The following TMEM135 variants were observed in gnomAD, a reference collection of about 807,000 sequenced individuals.
TMEM135 encodes transmembrane protein 135.
Under a neutral mutation model 60.3 loss-of-function variants are expected in TMEM135, and 30 were observed. The observed-to-expected ratio is 0.50, with a 90% CI of 0.37 to 0.68. TMEM135 has a LOEUF of 0.68. TMEM135 is among the 30% of genes least tolerant of loss of function. The pLI is 0.00. For missense variants in TMEM135, 468 were observed against 548.8 expected (o/e 0.85, Z 1.47); for synonymous variants, 190 against 186.7 (o/e 1.02, Z -0.14).
At chr11:87,121,416 G>A (rs138228524) in intron 4 of TMEM135, 42 of 152,104 alleles carry the variant, frequency 2.8e-4, no homozygotes, top group African/African-American at 1.0e-3. Context: ...GTAAGCATGG[G>A]GTGTTACAGG....
At chr11:87,135,363 G>T (rs541305113) in intron 4 of TMEM135, among the ~76,000 whole-genome samples, 1 of 151,774 alleles carries the variant, frequency 6.6e-6, no homozygotes, top group Non-Finnish European at 1.5e-5. Context: ...TAGATTTTAC[G>T]TTTAACTCTA....
chr11:87,235,103 T>C (rs527497911), intron 5 of TMEM135, among the ~76,000 whole-genome samples: 242 of 152,114 alleles, frequency 1.6e-3, no homozygotes, highest in Non-Finnish European at 3.1e-3. Context: ...TGGGTTTTGT[T>C]AGGCAAATTA....
intron 4 of TMEM135, among the ~76,000 whole-genome samples, chr11:87,097,896 G>A (rs1484045600): frequency 6.6e-6 from 1 of 152,040 alleles, no homozygotes; most frequent in African/African-American, 2.4e-5. Context: ...TACCCCTGCA[G>A]TCCCAAACCT....
chr11:87,303,130 G>T (rs186585962), intron 8 of TMEM135, among the ~76,000 whole-genome samples: 1 of 152,112 alleles, frequency 6.6e-6, no homozygotes, highest in East Asian at 1.9e-4. Flanking sequence ...TCCGAGGCCT[G>T]TTAGGAACCT....
intron 6 of TMEM135, 32 bp downstream of exon 6, chr11:87,236,716 C>A: frequency 1.9e-6 from 3 of 1,578,940 alleles, no homozygotes; most frequent in Non-Finnish European, 2.6e-6. Context: ...TACTTTAATA[C>A]CCCAAACAGT....
At chr11:87,061,464 A>G (rs890625544) in intron 1 of TMEM135, among the ~76,000 whole-genome samples, 1 of 152,232 alleles carries the variant, frequency 6.6e-6, no homozygotes, top group Non-Finnish European at 1.5e-5. Flanking sequence ...TTTTTGCTAG[A>G]GATTACTTTA....
chr11:87,120,201 C>A (rs1438271894), intron 4 of TMEM135, among the ~76,000 whole-genome samples: 1 of 145,250 alleles, frequency 6.9e-6, no homozygotes, highest in African/African-American at 2.5e-5. Flanking sequence ...TAACCTTGAT[C>A]TCCTGGGCTC....
chr11:87,179,122 G>T (rs61330669), intron 5 of TMEM135, among the ~76,000 whole-genome samples: 1 of 152,122 alleles, frequency 6.6e-6, no homozygotes, highest in African/African-American at 2.4e-5. Context: ...CTAATGACTA[G>T]TGATGTTGGA....
At chr11:87,187,148 A>G (rs1244379213) in intron 5 of TMEM135, among the ~76,000 whole-genome samples, 1 of 152,170 alleles carries the variant, frequency 6.6e-6, no homozygotes, top group Non-Finnish European at 1.5e-5. Context: ...ATGGGGAGCT[A>G]TGTCAAGCCA....
intron 4 of TMEM135, among the ~76,000 whole-genome samples, chr11:87,123,319 G>T (rs1289678853): frequency 6.6e-6 from 1 of 152,112 alleles, no homozygotes. Flanking sequence ...TGAGCTTCTG[G>T]TAGATCCTGG....
Position 87,323,331 on chromosome 11 carries a change from A to G in TMEM135, c.*1998A>G, listed in dbSNP as rs1316857623. On this transcript the variant is annotated 3_prime_UTR_variant, in exon 15 of 15. Transcript: ENST00000305494. ...AATGTATAGGTTGAGTGAATAACCA[A>G]TTTGCAGTGGTGGATTGAGAAGTCC... 5 of 453,882 alleles carry G rather than the reference A, an allele frequency of 1.1e-5. No homozygotes were observed. Among genetic ancestry groups the G allele is most frequent in the East Asian group, 1.4e-4 (2 of 14,396 alleles). 28.1% of individuals were successfully genotyped at this position (453,882 alleles called of 1,614,324 possible). A position where few individuals can be genotyped will look rare whatever the true frequency, so the allele number is the denominator to read the frequency against.
At chr11:87,042,949 G>GT (rs1310895250) in intron 1 of TMEM135, among the ~76,000 whole-genome samples, 4 of 121,086 alleles carry the variant, frequency 3.3e-5, no homozygotes, top group South Asian at 2.5e-4. Context: ...TATTTCTGTA[G>GT]TTTTGTTTTG....
intron 4 of TMEM135, among the ~76,000 whole-genome samples, chr11:87,129,202 C>T (rs1342945569): frequency 8.0e-6 from 1 of 124,450 alleles, no homozygotes; most frequent in East Asian, 2.1e-4. Context: ...ATACATGTTC[C>T]TTATTCCTTA....
rs895149687 is a variant in TMEM135 at position 87,324,844 on chromosome 11, TCCTAAC to T, written c.*3512_*3517del. The T allele has an allele frequency of 2.2e-6, 1 of 453,742 alleles. No individual in the cohort carries two copies. Among genetic ancestry groups the T allele is most frequent in the African/African-American group, 2.0e-5 (1 of 49,952 alleles). 28.1% of individuals were successfully genotyped at this position (453,742 alleles called of 1,614,324 possible). A position where few individuals can be genotyped will look rare whatever the true frequency, so the allele number is the denominator to read the frequency against. ...TAAGATATCTTATAAACATTCTCTC[TCCTAAC>T]ACCTCCTTCTAGTAATCATTTTCAC... On this transcript the variant is annotated 3_prime_UTR_variant, in exon 15 of 15. Coordinates refer to ENST00000305494, the MANE Select transcript of TMEM135 (RefSeq NM_022918.4).
chr11:87,242,183 A>T (rs1368663917), intron 6 of TMEM135, among the ~76,000 whole-genome samples: 6 of 151,402 alleles, frequency 4.0e-5, no homozygotes, highest in Non-Finnish European at 5.9e-5. Context: ...ACATGAACTC[A>T]TCATTTTTTA....
intron 7 of TMEM135, among the ~76,000 whole-genome samples, chr11:87,296,722 A>G (rs1398359678): frequency 3.9e-5 from 6 of 152,302 alleles, no homozygotes; most frequent in Admixed American, 6.5e-5. Context: ...AATGTTGGAT[A>G]TTATTTTTGT....
At chr11:87,284,643 T>TAAATAAATA (rs1483847349) in intron 6 of TMEM135, among the ~76,000 whole-genome samples, 1 of 152,238 alleles carries the variant, frequency 6.6e-6, no homozygotes, top group Non-Finnish European at 1.5e-5. Context: ...GAAATAAATG[T>TAAATAAATA]ACTGTGAAAT....
chr11:87,099,702 T>TTTTTTTTTTTTTTTTA (rs1591018483), intron 4 of TMEM135, among the ~76,000 whole-genome samples: 1 of 121,850 alleles, frequency 8.2e-6, no homozygotes, highest in African/African-American at 3.5e-5. Context: ...TTTTTTTTTT[T>TTTTTTTTTTTTTTTTA]GAGGCAGAGT....
chr11:87,241,572 T>G (rs1941134817), intron 6 of TMEM135, among the ~76,000 whole-genome samples: 1 of 152,146 alleles, frequency 6.6e-6, no homozygotes, highest in African/African-American at 2.4e-5. Context: ...GTAGTCACCC[T>G]GTTGTGCTAT....
Sources: gnomAD v4.1 joint callset for allele counts (sites outside exome capture counted in the v4.1 genomes callset) on GRCh38, gnomAD v4.1.1 for gene constraint, MANE v1.5 for transcripts, NCBI Gene and HGNC (gene_info 2026-07-23, HGNC 2026-07-21) for gene names.